CCDC73: variants seen among roughly 807,000 people sequenced by gnomAD.
The protein encoded by CCDC73 is coiled-coil domain-containing protein 73.
A neutral mutation model predicts 116.5 loss-of-function variants in CCDC73; 95 were observed. That is an observed-to-expected ratio of 0.82 (90% confidence interval 0.69 to 0.97). The LOEUF (loss-of-function observed/expected upper bound fraction) is 0.97, where lower values mean the gene tolerates loss of function less well. Ranked by LOEUF, CCDC73 falls within the 50% of genes least tolerant of loss-of-function variation. The pLI is 0.00. For missense variants in CCDC73, 1,066 were observed against 1,206.8 expected, an observed-to-expected ratio of 0.88 and a Z score of 1.73; for synonymous variants, 398 against 401.3, an observed-to-expected ratio of 0.99 and a Z score of 0.10.
intron 7 of CCDC73, chr11:32,682,874 T>C (rs570820659): frequency 1.3e-5 from 2 of 152,528 alleles, no homozygotes; most frequent in South Asian, 4.1e-4. Flanking sequence ...CAGTACCATA[T>C]CCCAAGTGTA....
intron 7 of CCDC73, 58 bp downstream of exon 7, chr11:32,683,478 A>T: frequency 9.2e-7 from 1 of 1,091,980 alleles, no homozygotes; most frequent in Non-Finnish European, 1.4e-6. Flanking sequence ...TCCCAAAAAC[A>T]CCAATCCCCC....
At chr11:32,822,265 CT>C in the CCDC73 span, among the ~76,000 whole-genome samples, 4 of 152,148 alleles carry the variant, frequency 2.6e-5, no homozygotes, top group African/African-American at 7.2e-5. Context: ...TTGATGTTTA[CT>C]AACATTCATG....
chr11:32,700,753 T>C (rs1307453287), intron 5 of CCDC73, 38 bp downstream of exon 5: 10 of 1,048,118 alleles, frequency 9.5e-6, no homozygotes, highest in Non-Finnish European at 1.3e-5. Flanking sequence ...AGTAAATACT[T>C]TTTAATAGAC....
At chr11:32,786,259 A>G (rs981950230) in intron 1 of CCDC73, among the ~76,000 whole-genome samples, 9 of 150,854 alleles carry the variant, frequency 6.0e-5, no homozygotes, top group African/African-American at 2.2e-4. Context: ...AACATTTGGC[A>G]TAAAATAGTT....
intron 1 of CCDC73, among the ~76,000 whole-genome samples, chr11:32,787,548 T>C (rs1440914240): frequency 1.3e-5 from 2 of 152,210 alleles, no homozygotes; most frequent in Non-Finnish European, 2.9e-5. Flanking sequence ...GTTGCTTTTT[T>C]CTTAAATATC....
intron 1 of CCDC73, among the ~76,000 whole-genome samples, chr11:32,774,114 T>G (rs1464849697): frequency 1.3e-5 from 2 of 152,226 alleles, no homozygotes; most frequent in Non-Finnish European, 2.9e-5. Context: ...CCTTGCTTTA[T>G]CTGGTGTACT....
At chr11:32,804,352 A>T in the CCDC73 span, among the ~76,000 whole-genome samples, 1 of 152,196 alleles carries the variant, frequency 6.6e-6, no homozygotes, top group East Asian at 1.9e-4. Flanking sequence ...GCAGGTCTCG[A>T]ACTCCTGGGT....
intron 6 of CCDC73, among the ~76,000 whole-genome samples, chr11:32,697,853 TA>T (rs1849769828): frequency 6.6e-6 from 1 of 152,072 alleles, no homozygotes; most frequent in South Asian, 2.1e-4. Flanking sequence ...GTCTGTTATA[TA>T]GGTAAATTGC....
chr11:32,766,994 G>A (rs1222598585), intron 1 of CCDC73, among the ~76,000 whole-genome samples: 1 of 152,152 alleles, frequency 6.6e-6, no homozygotes, highest in Admixed American at 6.5e-5. Flanking sequence ...TGGAATCAAA[G>A]AAGAGCTCGC....
intron 14 of CCDC73, among the ~76,000 whole-genome samples, 188 bp downstream of exon 14, chr11:32,635,508 T>TA (rs978598361): frequency 2.6e-5 from 4 of 152,084 alleles, no homozygotes; most frequent in Non-Finnish European, 4.4e-5. Flanking sequence ...GAAATTCATA[T>TA]AAAAAAATGA....
chr11:32,666,838 G>A (rs897976452), intron 9 of CCDC73, among the ~76,000 whole-genome samples: 14 of 152,126 alleles, frequency 9.2e-5, no homozygotes, highest in African/African-American at 2.7e-4. Context: ...TGGGGTTTTC[G>A]TGTAGATGTC....
At chr11:32,677,127 A>G (rs1856096572) in intron 7 of CCDC73, among the ~76,000 whole-genome samples, 1 of 152,226 alleles carries the variant, frequency 6.6e-6, no homozygotes, top group Non-Finnish European at 1.5e-5. Flanking sequence ...AGTTCTAAAC[A>G]AAGAACAGTA....
At chr11:32,753,026 T>A (rs934052424) in intron 2 of CCDC73, among the ~76,000 whole-genome samples, 2 of 152,016 alleles carry the variant, frequency 1.3e-5, no homozygotes, top group Non-Finnish European at 2.9e-5. Flanking sequence ...CAGGCTGGCC[T>A]CCAACTCCTG....
Position 32,611,417 on chromosome 11 carries a change from C to T in CCDC73, c.2897-152G>A, listed in dbSNP as rs180768841. 135 of 648,168 alleles carry T rather than the reference C, an allele frequency of 2.1e-4. No individual in the cohort carries two copies. The Admixed American group carries it at 4.1e-3, about 19-fold the overall frequency. 40.2% of individuals were successfully genotyped at this position (648,168 alleles called of 1,614,324 possible). ...TATTTTGCAGTTGTCCTAGACTTTG[C>T]TCTTAAATTAGGCATTTCATTTCTG... On this transcript the variant is annotated intron_variant, in intron 16 of 17. Transcript: ENST00000335185.
At chr11:32,646,974 T>C (rs575222911) in intron 12 of CCDC73, among the ~76,000 whole-genome samples, 3 of 152,326 alleles carry the variant, frequency 2.0e-5, no homozygotes, top group African/African-American at 7.2e-5. Context: ...CTTTATAAAC[T>C]CAAAATTCTT....
chr11:32,788,675 A>G (rs1850647916), intron 1 of CCDC73, among the ~76,000 whole-genome samples: 1 of 152,038 alleles, frequency 6.6e-6, no homozygotes, highest in Non-Finnish European at 1.5e-5. Context: ...GGGTCTCACT[A>G]TGTTGCCCAG....
At chr11:32,826,809 G>C in the CCDC73 span, among the ~76,000 whole-genome samples, 11 of 151,998 alleles carry the variant, frequency 7.2e-5, no homozygotes, top group African/African-American at 2.4e-4. Context: ...AATACCATCT[G>C]TGAGAACACT....
intron 1 of CCDC73, among the ~76,000 whole-genome samples, chr11:32,762,530 G>C (rs1850401006): frequency 6.6e-6 from 1 of 152,118 alleles, no homozygotes. Flanking sequence ...CTCAGGTAAG[G>C]CTGAACCAAA....
intron 3 of CCDC73, among the ~76,000 whole-genome samples, chr11:32,710,007 G>C (rs1366127550): frequency 2.0e-5 from 3 of 152,134 alleles, no homozygotes; most frequent in African/African-American, 7.2e-5. Flanking sequence ...GTTCATAGCA[G>C]CCTTGAATAA....
Sources: allele counts gnomAD v4.1 joint callset (sites outside exome capture counted in the v4.1 genomes callset), GRCh38; gene constraint gnomAD v4.1.1; transcripts MANE v1.5; gene names NCBI Gene and HGNC (gene_info 2026-07-23, HGNC 2026-07-21).